Variants in STARD13 observed in about 807,000 individuals in gnomAD.
The protein encoded by STARD13 is stAR-related lipid transfer protein 13.
A neutral mutation model predicts 106.4 loss-of-function variants in STARD13; 62 were observed. That is an observed-to-expected ratio of 0.58 (90% CI 0.48 to 0.72). The LOEUF (loss-of-function observed/expected upper bound fraction) is 0.72. Ranked by LOEUF, STARD13 falls within the 30% of genes least tolerant of loss-of-function variation. The pLI is 0.00. For missense variants in STARD13, 1,387 were observed against 1,424.0 expected, an observed-to-expected ratio of 0.97 and a Z score of 0.42; for synonymous variants, 565 against 553.0, an observed-to-expected ratio of 1.02 and a Z score of -0.31.
At chr13:33,367,066 G>A in the STARD13 span, among the ~76,000 whole-genome samples, 1 of 152,176 alleles carries the variant, frequency 6.6e-6, no homozygotes, top group African/African-American at 2.4e-5. Flanking sequence ...ATTAAAATCA[G>A]TATATAGCCA....
rs1031653671 is a variant in STARD13 at position 33,130,349 on chromosome 13, G to T, written c.388-60C>A. 2.0e-6 allele frequency: 3 copies of T among 1,531,538 alleles called. No homozygotes were observed. The highest frequency in any genetic ancestry group is 2.6e-6 in the Non-Finnish European group (3 of 1,135,696). The allele number at this position is 1,531,538 out of a possible 1,614,324, so 94.9% of individuals were successfully genotyped here. ...CAGCGTGGCTGAAGCAGGAACTCTG[G>T]GTGCTCTGAGGGCAGCCCTGTGTGG... On this transcript the variant is annotated intron_variant, in intron 4 of 13. Coordinates refer to ENST00000336934, the MANE Select transcript of STARD13 (RefSeq NM_178006.4). This position sits in a 1 kb window ranked among gnomAD's most constrained non-coding sequence, Gnocchi z 4.1.
At chr13:33,415,813 T>C in the STARD13 span, among the ~76,000 whole-genome samples, 1 of 152,240 alleles carries the variant, frequency 6.6e-6, no homozygotes, top group Non-Finnish European at 1.5e-5. Flanking sequence ...AAGCGAGAGA[T>C]AGTCATTAAG....
the STARD13 span, among the ~76,000 whole-genome samples, chr13:33,484,293 TCTG>T: frequency 6.6e-6 from 1 of 152,218 alleles, no homozygotes; most frequent in Non-Finnish European, 1.5e-5. Context: ...GGGCCTGAAT[TCTG>T]CTAAGATGTA....
chr13:33,547,926 ATAC>A, the STARD13 span, among the ~76,000 whole-genome samples: 1 of 152,194 alleles, frequency 6.6e-6, no homozygotes, highest in Non-Finnish European at 1.5e-5. Flanking sequence ...GGAAGAAGGA[ATAC>A]TAGTTATTGA....
intron 1 of STARD13, among the ~76,000 whole-genome samples, chr13:33,197,573 A>G (rs1387854580): frequency 1.3e-5 from 2 of 152,090 alleles, no homozygotes; most frequent in Admixed American, 6.5e-5. Context: ...AACTTTATAA[A>G]TATTCTCTTT....
At chr13:33,483,259 C>T in the STARD13 span, among the ~76,000 whole-genome samples, 1 of 152,176 alleles carries the variant, frequency 6.6e-6, no homozygotes, top group Non-Finnish European at 1.5e-5. Context: ...TCCAAACTTA[C>T]AGTGGTAAGT....
At chr13:33,304,513 C>T (rs1421819631) in intron 1 of STARD13, among the ~76,000 whole-genome samples, 1 of 152,010 alleles carries the variant, frequency 6.6e-6, no homozygotes, top group Non-Finnish European at 1.5e-5. Context: ...CTGGATTTTC[C>T]CCGTGGACAT....
At chr13:33,357,284 C>T in the STARD13 span, among the ~76,000 whole-genome samples, 13 of 152,270 alleles carry the variant, frequency 8.5e-5, no homozygotes, top group South Asian at 2.7e-3. Context: ...CATGGGGTAA[C>T]CCTCCACTCC....
chr13:33,117,676 A>G, intron 8 of STARD13: 1 of 944,938 alleles, frequency 1.1e-6, no homozygotes, highest in Non-Finnish European at 1.3e-6. Context: ...GTCACTTTGA[A>G]TTTCCTATAT....
chr13:33,665,652 G>T, the STARD13 span, among the ~76,000 whole-genome samples: 2 of 152,196 alleles, frequency 1.3e-5, no homozygotes, highest in African/African-American at 2.4e-5. Flanking sequence ...TTCTCTTATA[G>T]GAGAACGTGC....
At chr13:33,554,441 CA>C in the STARD13 span, among the ~76,000 whole-genome samples, 1 of 152,180 alleles carries the variant, frequency 6.6e-6, no homozygotes, top group South Asian at 2.1e-4. Flanking sequence ...TTCCATGCCT[CA>C]GACTCTTCCT....
chr13:33,373,771 T>TAA, the STARD13 span, among the ~76,000 whole-genome samples: 11 of 149,488 alleles, frequency 7.4e-5, no homozygotes, highest in Non-Finnish European at 8.9e-5. Context: ...AGGACACTAT[T>TAA]AAAAAAAAAA....
intron 1 of STARD13, among the ~76,000 whole-genome samples, chr13:33,321,933 A>G (rs1013572421): frequency 6.6e-6 from 1 of 152,242 alleles, no homozygotes; most frequent in African/African-American, 2.4e-5. Flanking sequence ...AGTGTTATCA[A>G]GAATGCATAA....
At chr13:33,616,139 A>C in the STARD13 span, among the ~76,000 whole-genome samples, 2 of 148,822 alleles carry the variant, frequency 1.3e-5, no homozygotes, top group Admixed American at 6.7e-5. Context: ...GAAGGAAGAC[A>C]GGGAAAAAGA....
chr13:33,445,794 C>T, the STARD13 span, among the ~76,000 whole-genome samples: 10,004 of 152,020 alleles, frequency 0.066, 771 homozygotes, highest in African/African-American at 0.19. Context: ...CTCTTTTTAA[C>T]GACCAGCTTT....
chr13:33,277,942 T>C (rs535906954), intron 1 of STARD13: 1 of 152,326 alleles, frequency 6.6e-6, no homozygotes, highest in South Asian at 2.1e-4. Context: ...GGCTGGCCTT[T>C]TTGGAAAACA....
chr13:33,249,720 C>A (rs1228172900), intron 1 of STARD13, among the ~76,000 whole-genome samples: 2 of 152,158 alleles, frequency 1.3e-5, no homozygotes. Context: ...ATCCTTTCCA[C>A]TTCCTCAAAC....
At chr13:33,162,129 G>A (rs985826999) in intron 3 of STARD13, among the ~76,000 whole-genome samples, 1 of 152,158 alleles carries the variant, frequency 6.6e-6, no homozygotes, top group Non-Finnish European at 1.5e-5. Context: ...AACCAGTCAT[G>A]CCTTCCCAAC....
At chr13:33,473,378 A>G in the STARD13 span, among the ~76,000 whole-genome samples, 4 of 152,248 alleles carry the variant, frequency 2.6e-5, no homozygotes, top group African/African-American at 9.6e-5. Flanking sequence ...TAAGTGTCAG[A>G]AATCACATTT....
Sources: gnomAD v4.1 joint callset for allele counts (sites outside exome capture counted in the v4.1 genomes callset) on GRCh38, gnomAD v4.1.1 for gene constraint, Gnocchi (gnomAD v3.1) non-coding constraint, MANE v1.5 for transcripts, NCBI Gene and HGNC (gene_info 2026-07-23, HGNC 2026-07-21) for gene names.